Variants in NLRP13 observed in about 807,000 individuals in gnomAD.
NLRP13 encodes the protein NACHT, LRR and PYD domains-containing protein 13.
A neutral mutation model predicts 94.4 loss-of-function variants in NLRP13; 82 were observed. The ratio of observed to expected loss-of-function variants is 0.87; its 90% CI spans 0.73 to 1.04. NLRP13 has a LOEUF of 1.04. Ranked by LOEUF, NLRP13 falls within the 50% of genes least tolerant of loss-of-function variation. NLRP13 has a pLI of 0.00. For missense variants in NLRP13, 1,426 were observed against 1,230.8 expected, an observed-to-expected ratio of 1.16 and a Z score of -2.37; for synonymous variants, 553 against 464.7, an observed-to-expected ratio of 1.19 and a Z score of -2.45.
chr19:55,892,388 TACAC>T (rs3073262), downstream of NLRP13, among the ~76,000 whole-genome samples: 3 of 151,186 alleles, frequency 2.0e-5, no homozygotes, highest in Non-Finnish European at 4.4e-5. Context: ...TACACACACA[TACAC>T]ACACACATAT....
intron 9 of NLRP13, among the ~76,000 whole-genome samples, chr19:55,901,545 G>A (rs1032663590): frequency 7.2e-5 from 11 of 152,176 alleles, no homozygotes; most frequent in Non-Finnish European, 1.5e-4. Flanking sequence ...GCCTGGGCAC[G>A]TAGTAAAGGC....
rs770184597 is a variant in NLRP13, at chr19:55,912,607, C to G, written c.1210G>C (p.Glu404Gln). The change falls in exon 5 of 11, where the codon GAA becomes CAA. Residue 404 changes from glutamate to glutamine, a missense_variant. By Grantham distance (29) the Glu-to-Gln change is conservative (BLOSUM62 2). Transcript: ENST00000342929. ...AGCTGCTGCAGGATTTTCTCAACTT[C>G]ACTTGAGTCATCAAAGTGTCTCATG... Reference protein sequence around the residue: ...YFMRHFDDSSEVEKILQQLRK... With the variant: ...YFMRHFDDSSQVEKILQQLRK... 3 of 1,614,098 alleles carry G rather than the reference C, an allele frequency of 1.9e-6. No individual in the cohort carries two copies. Among genetic ancestry groups the G allele is most frequent in the Non-Finnish European group, 2.5e-6 (3 of 1,180,028 alleles).
Position 55,932,172 on chromosome 19 carries a change from G to GC in NLRP13, c.139dup (p.Ala47GlyfsTer28). On this transcript the variant is annotated frameshift_variant, in exon 1 of 11. Transcript: ENST00000342929. LOFTEE classifies it high-confidence loss of function. ...GATACGCGGGAAGTGCCCCTGGGGGGCCGACCAGAAGTCCATCAGCTGCTG... is the reference window on the plus strand; with the variant it reads ...GATACGCGGGAAGTGCCCCTGGGGGGCCCGACCAGAAGTCCATCAGCTGCTG... 2 of 1,614,104 alleles carry GC rather than the reference G, an allele frequency of 1.2e-6. No homozygotes were observed. The highest frequency in any genetic ancestry group is 1.1e-5 in the South Asian group (1 of 91,082).
Position 55,931,778 on chromosome 19 carries a change from C to A in NLRP13, c.319+215G>T, listed in dbSNP as rs79811277. Among the ~76,000 whole-genome samples the A allele has an allele frequency of 7.8e-3, 1,087 of 138,728 alleles. 18 individuals carry two copies. The highest frequency in any genetic ancestry group is 0.028 in the African/African-American group (1,040 of 36,746). 91.0% of individuals were successfully genotyped at this position (138,728 alleles called of 152,430 possible). On this transcript the variant is annotated intron_variant, in intron 1 of 10. Coordinates refer to ENST00000342929, the MANE Select transcript of NLRP13 (RefSeq NM_176810.2). ...ATAACATAACTGAATGTGCCTCTTC[C>A]GATTCCCTTTCTTGCCTTTGCTACT...
chr19:55,896,142 C>T (rs574240259), intron 10 of NLRP13, 23 bp from the exon 11 acceptor site: 3 of 1,611,986 alleles, frequency 1.9e-6, no homozygotes, highest in African/African-American at 2.7e-5. Flanking sequence ...GGGAAGAAAG[C>T]ACAACAGATA....
At chr19:55,918,621 A>G (rs115386418) in intron 4 of NLRP13, among the ~76,000 whole-genome samples, 3,090 of 152,208 alleles carry the variant, frequency 0.02, 100 homozygotes, top group African/African-American at 0.068. Flanking sequence ...TAAAAACCCA[A>G]GAAGAAATAG....
Position 55,912,299 on chromosome 19 carries a change from C to A in NLRP13, c.1518G>T (p.Glu506Asp). The A allele has an allele frequency of 6.2e-7, 1 of 1,614,100 alleles. No homozygotes were observed. The highest frequency in any genetic ancestry group is 2.2e-5 in the East Asian group (1 of 44,870). ...AATCAATGAAAGGCACTTCCAGGCCCTCGATCTCAGTGTCTTCTTTGTTAA... is the reference window on the plus strand; with the variant it reads ...AATCAATGAAAGGCACTTCCAGGCCATCGATCTCAGTGTCTTCTTTGTTAA... The part of the protein sequence containing the change: ...FTFNKEDTEI[E>D]GLEVPFIDSL... The change falls in exon 5 of 11, where the codon GAG becomes GAT. Residue 506 changes from glutamate to aspartate, a missense_variant. Transcript: ENST00000342929.
chr19:55,907,684 G>C, intron 7 of NLRP13, 108 bp downstream of exon 7: 1 of 1,038,526 alleles, frequency 9.6e-7, no homozygotes, highest in East Asian at 2.4e-5. Flanking sequence ...ATCCTTCTCT[G>C]TCTCCTTTTG....
At chr19:55,923,873 C>T in intron 4 of NLRP13, 41 bp downstream of exon 4, 1 of 1,488,692 alleles carries the variant, frequency 6.7e-7, no homozygotes, top group Non-Finnish European at 9.4e-7. Flanking sequence ...CAATGCTCGT[C>T]AAGCAACCTG....
chr19:55,928,674 T>G (rs1455019093), intron 1 of NLRP13, among the ~76,000 whole-genome samples: 8 of 152,232 alleles, frequency 5.3e-5, no homozygotes, highest in Non-Finnish European at 7.3e-5. Flanking sequence ...TAAAGAGAGA[T>G]ATTCAGTTGG....
chr19:55,898,748 A>C, intron 10 of NLRP13, 22 bp downstream of exon 10: 1 of 1,581,908 alleles, frequency 6.3e-7, no homozygotes. Context: ...AAGACTCTGC[A>C]AGGAGAACAG....
chr19:55,895,655 C>T (rs1444294905), downstream of NLRP13, among the ~76,000 whole-genome samples: 1 of 152,150 alleles, frequency 6.6e-6, no homozygotes, highest in Non-Finnish European at 1.5e-5. Flanking sequence ...TGCACTCTAG[C>T]CTGGGTGACA....
At chr19:55,928,903 A>G (rs1392281533) in intron 1 of NLRP13, among the ~76,000 whole-genome samples, 1 of 152,212 alleles carries the variant, frequency 6.6e-6, no homozygotes. Flanking sequence ...ACAAAGGGCT[A>G]ATATCCAGAA....
intron 4 of NLRP13, among the ~76,000 whole-genome samples, chr19:55,920,553 A>G (rs1425706014): frequency 6.6e-6 from 1 of 151,974 alleles, no homozygotes; most frequent in African/African-American, 2.4e-5. Context: ...TAAAAAAAAA[A>G]TGCTCATTAT....
In NLRP13 at chr19:55,907,811, A is replaced by C; in HGVS notation, c.2428T>G (p.Cys810Gly). 1 of 1,613,918 alleles carries C rather than the reference A, an allele frequency of 6.2e-7. No homozygotes were observed. The highest frequency in any genetic ancestry group is 8.5e-7 in the Non-Finnish European group (1 of 1,179,918). The part of the protein sequence containing the change: ...LILKALRHSA[C>G]NLKYLCLEKC... ...ACTTACCACAGATACTTGAGGTTGC[A>C]AGCTGAGTGTCTCAAAGCTTTAAGA... Residue 810 changes from cysteine to glycine, a missense_variant, in exon 7 of 11, where the codon TGC becomes GGC. Transcript: ENST00000342929.
In NLRP13 at chr19:55,925,105, C is replaced by G. The variant is rs936055218; in HGVS notation, c.320-70G>C. 3.0e-6 allele frequency: 4 copies of G among 1,350,606 alleles called. No individual in the cohort carries two copies. The African/African-American group carries it at 4.3e-5, about 15-fold the overall frequency. The allele number at this position is 1,350,606 out of a possible 1,614,324, so 83.7% of individuals were successfully genotyped here. On this transcript the variant is annotated intron_variant, in intron 1 of 10. Coordinates refer to ENST00000342929, the MANE Select transcript of NLRP13 (RefSeq NM_176810.2). ...AAATGGACCAGCAATAATGGAGTCT[C>G]TCAGTAGAACCAACTCCTTCTATGA...
chr19:55,898,200 G>GTTTTTT (rs149121317), intron 10 of NLRP13, among the ~76,000 whole-genome samples: 11 of 135,564 alleles, frequency 8.1e-5, no homozygotes, highest in African/African-American at 1.6e-4. Context: ...GAGAGTTTTT[G>GTTTTTT]TTTTTGTTTT....
At chr19:55,892,684 G>C (rs8110937), downstream of NLRP13, among the ~76,000 whole-genome samples, 3,203 of 152,256 alleles carry the variant, frequency 0.021, 135 homozygotes, top group African/African-American at 0.073. Context: ...GCCTCCCAAA[G>C]TGCTGGAATT....
chr19:55,892,083 A>T (rs560887190), downstream of NLRP13: 4 of 1,230,756 alleles, frequency 3.3e-6, no homozygotes, highest in African/African-American at 6.2e-5. Context: ...TGAGGTCTGT[A>T]TCTCCTCTCT....
Sources: allele counts gnomAD v4.1 joint callset (sites outside exome capture counted in the v4.1 genomes callset), GRCh38; gene constraint gnomAD v4.1.1; transcripts MANE v1.5; gene names NCBI Gene and HGNC (gene_info 2026-07-23, HGNC 2026-07-21).